Variants in CTNNA3 observed in about 807,000 individuals in gnomAD.
The protein encoded by CTNNA3 is catenin alpha 3, also known as catenin alpha-3.
In CTNNA3, 76 loss-of-function variants were observed where a neutral mutation model predicts 95.7. That is an observed-to-expected ratio of 0.79 (90% CI 0.66 to 0.96). The LOEUF (loss-of-function observed/expected upper bound fraction) is 0.96. Ranked by LOEUF, CTNNA3 falls within the 40% of genes least tolerant of loss-of-function variation. The pLI, the probability that CTNNA3 is intolerant of heterozygous loss-of-function variation, is 0.00. For synonymous variants in CTNNA3, 431 were observed against 374.4 expected, an observed-to-expected ratio of 1.15 and a Z score of -1.74; for missense variants, 1,191 against 1,089.8, an observed-to-expected ratio of 1.09 and a Z score of -1.31.
intron 7 of CTNNA3, among the ~76,000 whole-genome samples, chr10:66,857,462 G>A (rs1056725081): frequency 6.6e-6 from 1 of 151,696 alleles, no homozygotes; most frequent in African/African-American, 2.4e-5. Context: ...TTGGTAGTTT[G>A]ATAGGAATAG....
chr10:66,826,263 T>C (rs1287940903), intron 7 of CTNNA3, among the ~76,000 whole-genome samples: 1 of 152,132 alleles, frequency 6.6e-6, no homozygotes, highest in Non-Finnish European at 1.5e-5. Context: ...TGTAATTGAA[T>C]GTTTGGTTTG....
chr10:66,003,296 A>G (rs10996821), intron 15 of CTNNA3, among the ~76,000 whole-genome samples: 47,636 of 151,536 alleles, frequency 0.31, 7,712 homozygotes, highest in Non-Finnish European at 0.34. Flanking sequence ...TACTATTGCC[A>G]TTGCTGCTGG....
intron 13 of CTNNA3, among the ~76,000 whole-genome samples, chr10:66,122,437 G>C (rs2133820568): frequency 6.6e-6 from 1 of 152,254 alleles, no homozygotes; most frequent in East Asian, 1.9e-4. Context: ...AAATGATAAT[G>C]GCTGATCGTT....
At chr10:66,306,067 G>A (rs530238376) in intron 12 of CTNNA3, among the ~76,000 whole-genome samples, 92 of 152,106 alleles carry the variant, frequency 6.0e-4, no homozygotes, top group Non-Finnish European at 1.3e-3. Context: ...CACATTCCAA[G>A]CAAATAATAA....
intron 1 of CTNNA3, among the ~76,000 whole-genome samples, chr10:67,758,900 A>G (rs1841448177): frequency 6.6e-6 from 1 of 152,058 alleles, no homozygotes; most frequent in Non-Finnish European, 1.5e-5. Flanking sequence ...AGAAAAGAAG[A>G]CCCCATCCTT....
intron 11 of CTNNA3, among the ~76,000 whole-genome samples, chr10:66,391,854 A>G (rs575141700): frequency 2.5e-3 from 380 of 152,050 alleles, no homozygotes; most frequent in Middle Eastern, 6.8e-3. Flanking sequence ...TTATCCATAG[A>G]CTGTACACCT....
At chr10:67,484,328 G>A (rs546688994) in intron 5 of CTNNA3, among the ~76,000 whole-genome samples, 10 of 152,178 alleles carry the variant, frequency 6.6e-5, no homozygotes, top group African/African-American at 2.4e-4. Context: ...AACTCAAAAT[G>A]GATTAAATAT....
intron 10 of CTNNA3, among the ~76,000 whole-genome samples, chr10:66,579,356 G>A (rs768137307): frequency 2.6e-5 from 4 of 151,676 alleles, no homozygotes; most frequent in Non-Finnish European, 4.4e-5. Context: ...GTATTTGCTT[G>A]GGCAGTACAT....
Position 67,726,431 on chromosome 10 carries a change from TCA to T in CTNNA3, c.-2+37001_-2+37002del, listed in dbSNP as rs1491234739. On this transcript the variant is annotated intron_variant, in intron 1 of 17. Coordinates refer to the CTNNA3 transcript ENST00000684154. ...ATCATATATAATATTATATATTATA[TCA>T]TATATAATATATAATATTATATATG... is the stretch of plus-strand genomic sequence containing the variant. 1.3e-3 allele frequency among the ~76,000 whole-genome samples: 7 copies of T among 5,318 alleles called. No homozygotes were observed. In the East Asian group the frequency reaches 0.032, roughly 24 times the overall value. 3.5% of individuals were successfully genotyped at this position (5,318 alleles called of 152,430 possible).
chr10:66,401,047 T>C (rs1206936159), intron 11 of CTNNA3, among the ~76,000 whole-genome samples: 3 of 152,108 alleles, frequency 2.0e-5, no homozygotes, highest in African/African-American at 7.2e-5. Flanking sequence ...CATTAACATA[T>C]AGATAAATTA....
At chr10:67,726,434 T>TATATAATATTATATATG (rs1564841148) in intron 1 of CTNNA3, among the ~76,000 whole-genome samples, 1 of 67,986 alleles carries the variant, frequency 1.5e-5, no homozygotes, top group Non-Finnish European at 2.4e-5. Context: ...TATTATATCA[T>TATATAATATTATATATG]ATATAATATA....
chr10:66,485,353 T>C (rs1301390622), intron 11 of CTNNA3, among the ~76,000 whole-genome samples: 4 of 152,048 alleles, frequency 2.6e-5, no homozygotes, highest in African/African-American at 4.8e-5. Flanking sequence ...TTTTTCACAC[T>C]TGAAAACAAC....
At chr10:66,225,675 TC>T (rs1476811526) in intron 13 of CTNNA3, among the ~76,000 whole-genome samples, 1 of 151,778 alleles carries the variant, frequency 6.6e-6, no homozygotes, top group Non-Finnish European at 1.5e-5. Flanking sequence ...AAAATAGATG[TC>T]CTAATTTACA....
At chr10:66,868,304 G>T (rs2132432067) in intron 7 of CTNNA3, among the ~76,000 whole-genome samples, 1 of 151,782 alleles carries the variant, frequency 6.6e-6, no homozygotes, top group East Asian at 2.0e-4. Context: ...GGCAGAGGTT[G>T]CAGTGAACCG....
chr10:66,758,394 C>T (rs1384706036), intron 9 of CTNNA3, among the ~76,000 whole-genome samples: 2 of 152,194 alleles, frequency 1.3e-5, no homozygotes, highest in East Asian at 1.9e-4. Flanking sequence ...AAGAGCACGT[C>T]GTAGGGACTC....
At position 66,520,245 on chromosome 10, in the gene CTNNA3, CTTTT is replaced by C. The variant is rs543882241; in HGVS notation, c.1531+368_1531+371del. Among the ~76,000 whole-genome samples, 220 of 78,074 alleles carry C rather than the reference CTTTT, an allele frequency of 2.8e-3. 1 individual carries two copies. The highest frequency in any genetic ancestry group is 0.023 in the Middle Eastern group (2 of 86). The allele number at this position is 78,074 out of a possible 152,430, so 51.2% of individuals were successfully genotyped here. A position where few individuals can be genotyped will look rare whatever the true frequency, so the allele number is the denominator to read the frequency against. On this transcript the variant is annotated intron_variant, in intron 11 of 17. Transcript: ENST00000433211. ...AAAATTAATCTTATTTAGTATTATT[CTTTT>C]TTTTTTTTTTTTTTTTTTTTGAGAT... is the stretch of plus-strand genomic sequence containing the variant.
At chr10:67,073,662 A>T (rs1856584970) in intron 7 of CTNNA3, among the ~76,000 whole-genome samples, 1 of 152,218 alleles carries the variant, frequency 6.6e-6, no homozygotes, top group Non-Finnish European at 1.5e-5. Flanking sequence ...TAGAGATACA[A>T]AAGAAGTTAT....
At chr10:67,719,092 G>A (rs113038098) in intron 1 of CTNNA3, among the ~76,000 whole-genome samples, 5,416 of 152,240 alleles carry the variant, frequency 0.036, 101 homozygotes, top group Middle Eastern at 0.085. Flanking sequence ...TATTTGCATA[G>A]AGGTGTTTAC....
chr10:66,323,398 C>T (rs1048298611), intron 12 of CTNNA3, among the ~76,000 whole-genome samples: 10 of 151,878 alleles, frequency 6.6e-5, no homozygotes, highest in African/African-American at 2.4e-4. Flanking sequence ...AATCCCAGCA[C>T]TTTGAGAGGC....
Sources: gnomAD v4.1 joint callset for allele counts (sites outside exome capture counted in the v4.1 genomes callset) on GRCh38, gnomAD v4.1.1 for gene constraint, MANE v1.5 for transcripts, NCBI Gene and HGNC (gene_info 2026-07-23, HGNC 2026-07-21) for gene names.